The following TMPRSS9 variants were observed in gnomAD, a reference collection of about 807,000 sequenced individuals.
TMPRSS9 encodes transmembrane protease serine 9.
Under a neutral mutation model 111.4 loss-of-function variants are expected in TMPRSS9, and 113 were observed. That is an observed-to-expected ratio of 1.01 (90% CI 0.87 to 1.19). The LOEUF (loss-of-function observed/expected upper bound fraction) is 1.19, where lower values mean the gene tolerates loss of function less well. TMPRSS9 is among the 50% of genes most tolerant of loss of function. The pLI, the probability that TMPRSS9 is intolerant of heterozygous loss-of-function variation, is 0.00. For synonymous variants in TMPRSS9, 805 were observed against 659.1 expected, an observed-to-expected ratio of 1.22 and a Z score of -3.39; for missense variants, 1,803 against 1,513.1, an observed-to-expected ratio of 1.19 and a Z score of -3.18.
chr19:2,414,852 G>A (rs948249071), intron 10 of TMPRSS9, among the ~76,000 whole-genome samples: 1 of 150,324 alleles, frequency 6.7e-6, no homozygotes, highest in Non-Finnish European at 1.5e-5. Context: ...TCCAGCCCGG[G>A]CAACAAGAGC....
chr19:2,376,729 T>C (rs1452976240), intron 1 of TMPRSS9, among the ~76,000 whole-genome samples: 1 of 152,280 alleles, frequency 6.6e-6, no homozygotes, highest in Middle Eastern at 3.4e-3. Flanking sequence ...AGTGCTGGGA[T>C]TACAGGCATG....
At position 2,373,696 on chromosome 19, in the gene TMPRSS9, C is replaced by T. The variant is rs377236744; in HGVS notation, c.-26+13336C>T. 2.6e-4 allele frequency among the ~76,000 whole-genome samples: 40 copies of T among 151,518 alleles called. 1 individual carries two copies. In the South Asian group the frequency reaches 5.7e-3, roughly 21 times the overall value. ...CGTATTTTTAGTAGAGACGGGGTTT[C>T]GCCATGTTGGCCAGGCTGGTCTCGA... On this transcript the variant is annotated intron_variant, in intron 1 of 17. Transcript: ENST00000649857.
exon 10 of TMPRSS9, chr19:2,413,987 T>C: frequency 6.2e-7 from 1 of 1,604,458 alleles, no homozygotes; most frequent in Non-Finnish European, 8.5e-7. Context: ...GTACCGTGCC[T>C]CTTGACTGGG....
upstream of TMPRSS9, among the ~76,000 whole-genome samples, chr19:2,388,440 G>T (rs1161485258): frequency 1.3e-5 from 2 of 152,082 alleles, no homozygotes; most frequent in African/African-American, 4.8e-5. Context: ...GGAAGAGGCT[G>T]CACTGTGGCT....
At chr19:2,378,814 CA>C (rs1970358416) in intron 1 of TMPRSS9, among the ~76,000 whole-genome samples, 1 of 152,168 alleles carries the variant, frequency 6.6e-6, no homozygotes, top group Admixed American at 6.6e-5. Flanking sequence ...AGGAAACTTA[CA>C]ATCATGGCGG....
At chr19:2,381,361 T>C (rs547605266) in intron 1 of TMPRSS9, among the ~76,000 whole-genome samples, 8 of 150,644 alleles carry the variant, frequency 5.3e-5, no homozygotes, top group African/African-American at 1.5e-4. Flanking sequence ...TGTGTGTGTG[T>C]GCGTGTGTGT....
chr19:2,404,929 C>G (rs947058780), intron 6 of TMPRSS9, among the ~76,000 whole-genome samples: 1 of 133,326 alleles, frequency 7.5e-6, no homozygotes, highest in Admixed American at 7.9e-5. Flanking sequence ...GAGACTCCAT[C>G]TCAAAAAAAA....
At chr19:2,406,281 G>A (rs963594723) in intron 7 of TMPRSS9, among the ~76,000 whole-genome samples, 1 of 151,494 alleles carries the variant, frequency 6.6e-6, no homozygotes, top group African/African-American at 2.4e-5. Flanking sequence ...GCCTCCCAAA[G>A]CGCTGGGATT....
At chr19:2,409,036 G>A (rs114415382) in intron 8 of TMPRSS9, among the ~76,000 whole-genome samples, 8,136 of 114,638 alleles carry the variant, frequency 0.071, 294 homozygotes, top group East Asian at 0.24. Flanking sequence ...TAATAATGAT[G>A]ATGCAGAAAA....
At chr19:2,400,217 A>G (rs1970801187) in intron 4 of TMPRSS9, among the ~76,000 whole-genome samples, 1 of 152,254 alleles carries the variant, frequency 6.6e-6, no homozygotes, top group Non-Finnish European at 1.5e-5. Context: ...CCCCTACTGT[A>G]GAATCAAGGA....
At chr19:2,422,820 G>A (rs1220789290) in intron 14 of TMPRSS9, among the ~76,000 whole-genome samples, 4 of 151,932 alleles carry the variant, frequency 2.6e-5, no homozygotes, top group Non-Finnish European at 5.9e-5. Context: ...CCCAGGAGGT[G>A]GAGGTTGCAG....
intron 1 of TMPRSS9, among the ~76,000 whole-genome samples, chr19:2,392,597 G>T (rs1027891486): frequency 6.6e-6 from 1 of 152,168 alleles, no homozygotes; most frequent in Non-Finnish European, 1.5e-5. Context: ...CTCCTGAGTC[G>T]AGTGGGGACT....
chr19:2,364,667 G>A (rs1456415500), intron 1 of TMPRSS9, among the ~76,000 whole-genome samples: 6 of 152,162 alleles, frequency 3.9e-5, no homozygotes, highest in Admixed American at 2.6e-4. Context: ...GTCCCCTTGC[G>A]TTGACACCTT....
At chr19:2,418,096 G>C (rs1971293212) in exon 13 of TMPRSS9, 3 of 1,612,208 alleles carry the variant, frequency 1.9e-6, no homozygotes, top group Non-Finnish European at 2.5e-6. Context: ...CAGACCGCAT[G>C]ATCTGCGCAG....
At chr19:2,402,182 C>T (rs1970863929) in intron 5 of TMPRSS9, among the ~76,000 whole-genome samples, 166 bp downstream of exon 6, 2 of 149,600 alleles carry the variant, frequency 1.3e-5, no homozygotes, top group Non-Finnish European at 3.0e-5. Flanking sequence ...CACTTGAGGC[C>T]AGGAGTTTGA....
intron 14 of TMPRSS9, among the ~76,000 whole-genome samples, chr19:2,423,661 G>C (rs908843740): frequency 6.6e-6 from 1 of 152,166 alleles, no homozygotes; most frequent in Admixed American, 6.5e-5. Context: ...TCTGAGGAAG[G>C]CCTTTGCGCT....
intron 1 of TMPRSS9, among the ~76,000 whole-genome samples, chr19:2,394,143 C>T (rs1970658570): frequency 6.6e-6 from 1 of 152,068 alleles, no homozygotes; most frequent in Non-Finnish European, 1.5e-5. Context: ...GCAGAGGTTG[C>T]ACTGAGCCAA....
chr19:2,408,684 A>G, intron 8 of TMPRSS9, 54 bp downstream of exon 9: 1 of 1,572,272 alleles, frequency 6.4e-7, no homozygotes, highest in Non-Finnish European at 8.6e-7. Flanking sequence ...CGGGCAAATA[A>G]CGCAGAAAAG....
At chr19:2,384,879 A>G (rs1970443592), upstream of TMPRSS9, among the ~76,000 whole-genome samples, 1 of 149,340 alleles carries the variant, frequency 6.7e-6, no homozygotes, top group African/African-American at 2.5e-5. Flanking sequence ...CTACTCGGGA[A>G]GCTGAGGCAG....
Sources: gnomAD v4.1 joint callset for allele counts (sites outside exome capture counted in the v4.1 genomes callset) on GRCh38, gnomAD v4.1.1 for gene constraint, MANE v1.5 for transcripts, NCBI Gene and HGNC (gene_info 2026-07-23, HGNC 2026-07-21) for gene names.